MARCHF10: variants seen among roughly 807,000 people sequenced by gnomAD.
The protein encoded by MARCHF10 is membrane associated ring-CH-type finger 10.
MARCHF10 carries 64 observed loss-of-function variants against 76.2 expected under a neutral mutation model. That is an observed-to-expected ratio of 0.84 (90% CI 0.69 to 1.03). The LOEUF is 1.03. Among genes scored for constraint, MARCHF10 ranks in the 50% least tolerant of loss-of-function variants. The probability of loss-of-function intolerance (pLI) is 0.00; values close to 1 mark genes in which losing one functional copy is unlikely to be tolerated. For synonymous variants in MARCHF10, 340 were observed against 357.5 expected, an observed-to-expected ratio of 0.95 and a Z score of 0.55; for missense variants, 875 against 958.0, an observed-to-expected ratio of 0.91 and a Z score of 1.14.
At position 62,736,640 on chromosome 17, in the gene MARCHF10, T is replaced by C; in HGVS notation, c.1228A>G (p.Arg410Gly). The change falls in exon 6 of 11, where the codon AGA (arginine) becomes GGA (glycine). Residue 410 changes from arginine to glycine, a missense_variant. Physicochemically the swap from Arg to Gly is moderately radical, Grantham distance 125. Transcript: ENST00000311269. The part of the protein sequence containing the change: ...PLSWDTKSEP[R>G]QEVGVNAENV... ...TCAGCATTGACACCAACCTCTTGTC[T>C]GGGCTCGGATTTGGTGTCCCACGAA... is the stretch of plus-strand genomic sequence containing the variant. The C allele has an allele frequency of 6.2e-7, 1 of 1,614,236 alleles. No homozygotes were observed. Among genetic ancestry groups the C allele is most frequent in the Non-Finnish European group, 8.5e-7 (1 of 1,180,042 alleles).
intron 8 of MARCHF10, among the ~76,000 whole-genome samples, chr17:62,713,887 C>T (rs751184781): frequency 3.9e-5 from 6 of 152,108 alleles, no homozygotes; most frequent in Admixed American, 1.3e-4. Context: ...AAAAGGGCTC[C>T]GGAGATCTCA....
At chr17:62,789,069 CAAAAAAAAAA>C (rs34556672) in intron 2 of MARCHF10, among the ~76,000 whole-genome samples, 1 of 36,892 alleles carries the variant, frequency 2.7e-5, no homozygotes, top group South Asian at 1.3e-3. Flanking sequence ...GACTCCGTCT[CAAAAAAAAAA>C]AAAAAAAAAA....
intron 8 of MARCHF10, among the ~76,000 whole-genome samples, chr17:62,713,072 T>C (rs1469898685): frequency 1.3e-5 from 2 of 152,166 alleles, no homozygotes; most frequent in Non-Finnish European, 2.9e-5. Flanking sequence ...TGCCTCCTCC[T>C]GCCCTCCCCG....
intron 2 of MARCHF10, among the ~76,000 whole-genome samples, chr17:62,793,450 A>T (rs2092915499): frequency 1.6e-5 from 2 of 125,290 alleles, no homozygotes; most frequent in Non-Finnish European, 1.6e-5. Flanking sequence ...CATCACCACC[A>T]TCACCACCAC....
At chr17:62,710,208 C>G (rs1458278010) in intron 9 of MARCHF10, among the ~76,000 whole-genome samples, 1 of 152,168 alleles carries the variant, frequency 6.6e-6, no homozygotes, top group African/African-American at 2.4e-5. Context: ...TAACCTGTAT[C>G]AACCCCGGAT....
intron 3 of MARCHF10, among the ~76,000 whole-genome samples, chr17:62,779,259 A>G (rs1182070613): frequency 6.6e-6 from 1 of 152,220 alleles, no homozygotes; most frequent in Admixed American, 6.5e-5. Context: ...CTGCCTCATC[A>G]GCACACAGGC....
intron 8 of MARCHF10, among the ~76,000 whole-genome samples, chr17:62,715,159 C>T (rs1275909183): frequency 6.6e-6 from 1 of 152,178 alleles, no homozygotes; most frequent in Admixed American, 6.5e-5. Context: ...GGTTTGGGGA[C>T]CACCCATTTT....
chr17:62,789,741 C>T (rs1202333305), intron 2 of MARCHF10, among the ~76,000 whole-genome samples: 2 of 152,082 alleles, frequency 1.3e-5, no homozygotes, highest in Admixed American at 1.3e-4. Context: ...AGTTCGAGAC[C>T]AACCTGGCCA....
At chr17:62,737,399 C>A in intron 5 of MARCHF10, 67 bp from the exon 6 acceptor site, 1 of 1,483,988 alleles carries the variant, frequency 6.7e-7, no homozygotes, top group Non-Finnish European at 9.2e-7. Flanking sequence ...CCTCTAGCAC[C>A]AAGTGCAAAA....
chr17:62,761,180 T>G (rs1344712606), intron 3 of MARCHF10, among the ~76,000 whole-genome samples: 3 of 152,220 alleles, frequency 2.0e-5, no homozygotes, highest in African/African-American at 7.2e-5. Flanking sequence ...GACACATCAT[T>G]ATGCTCCAAG....
intron 3 of MARCHF10, among the ~76,000 whole-genome samples, chr17:62,781,165 G>C (rs141963557): frequency 2.0e-3 from 299 of 152,236 alleles, no homozygotes; most frequent in Non-Finnish European, 2.7e-3. Flanking sequence ...CTCTGAAAAG[G>C]CTCTAAAATT....
chr17:62,749,687 G>C (rs2091829511), intron 4 of MARCHF10, among the ~76,000 whole-genome samples: 1 of 152,208 alleles, frequency 6.6e-6, no homozygotes, highest in East Asian at 1.9e-4. Flanking sequence ...TCAGGGGTGG[G>C]ATTTTTGATT....
At chr17:62,724,881 G>A in intron 7 of MARCHF10, 57 bp downstream of exon 7, 1 of 1,590,552 alleles carries the variant, frequency 6.3e-7, no homozygotes, top group Middle Eastern at 1.7e-4. Flanking sequence ...CCACACCGTG[G>A]TGCCTCATGT....
At position 62,712,939 on chromosome 17, in the gene MARCHF10, T is replaced by G. The variant is rs945003867; in HGVS notation, c.2215-1595A>C. Among the ~76,000 whole-genome samples the G allele has an allele frequency of 1.3e-5, 2 of 151,996 alleles. No homozygotes were observed. The highest frequency in any genetic ancestry group is 4.8e-5 in the African/African-American group (2 of 41,358). ...TTTGTATTTTTAGTAGAGATGGGGT[T>G]TCATCATGTTGGCCAGGCTGGTCTC... On this transcript the variant is annotated intron_variant, in intron 8 of 10. Coordinates refer to ENST00000311269, the MANE Select transcript of MARCHF10 (RefSeq NM_152598.4). This position sits in a 1 kb window ranked among gnomAD's most constrained non-coding sequence, Gnocchi z 4.2.
chr17:62,731,527 A>G (rs113254225), intron 6 of MARCHF10, among the ~76,000 whole-genome samples: 11 of 152,168 alleles, frequency 7.2e-5, no homozygotes, highest in Non-Finnish European at 1.5e-4. Context: ...GGCCTCCCAA[A>G]GTGCTGGGAT....
chr17:62,796,330 T>A (rs546751686), intron 2 of MARCHF10, among the ~76,000 whole-genome samples: 2 of 152,294 alleles, frequency 1.3e-5, no homozygotes, highest in Non-Finnish European at 2.9e-5. Context: ...TACTTTAAAT[T>A]CTTTCTGGAA....
chr17:62,751,952 A>G (rs2091909086), intron 4 of MARCHF10, among the ~76,000 whole-genome samples: 1 of 151,872 alleles, frequency 6.6e-6, no homozygotes, highest in African/African-American at 2.4e-5. Context: ...CCTGGGAGGC[A>G]GAGGTTTCAG....
At chr17:62,777,969 A>G (rs535110484) in intron 3 of MARCHF10, among the ~76,000 whole-genome samples, 12 of 152,298 alleles carry the variant, frequency 7.9e-5, no homozygotes, top group African/African-American at 2.9e-4. Flanking sequence ...CCTGCCCTGC[A>G]TCACAACTGT....
chr17:62,731,532 T>C (rs1393269930), intron 6 of MARCHF10, among the ~76,000 whole-genome samples: 1 of 152,178 alleles, frequency 6.6e-6, no homozygotes, highest in East Asian at 1.9e-4. Flanking sequence ...CCCAAAGTGC[T>C]GGGATTACAG....
Sources: allele counts gnomAD v4.1 joint callset (sites outside exome capture counted in the v4.1 genomes callset), GRCh38; gene constraint gnomAD v4.1.1; non-coding constraint Gnocchi (gnomAD v3.1); transcripts MANE v1.5; gene names NCBI Gene and HGNC (gene_info 2026-07-23, HGNC 2026-07-21).